The following XRRA1 variants were observed in gnomAD, a reference collection of about 807,000 sequenced individuals.
The protein encoded by XRRA1 is X-ray radiation resistance associated 1.
XRRA1 carries 69 observed loss-of-function variants against 80.2 expected under a neutral mutation model. The ratio of observed to expected loss-of-function variants is 0.86; its 90% CI spans 0.71 to 1.05. XRRA1 has a LOEUF of 1.05. Among genes scored for constraint, XRRA1 ranks in the 50% least tolerant of loss-of-function variants. The probability of loss-of-function intolerance (pLI) is 0.00; values close to 1 mark genes in which losing one functional copy is unlikely to be tolerated. For synonymous variants in XRRA1, 348 were observed against 389.9 expected (o/e 0.89, Z 1.27); for missense variants, 967 against 976.4 (o/e 0.99, Z 0.13).
chr11:74,890,150 A>C (rs1042806290), intron 10 of XRRA1, among the ~76,000 whole-genome samples: 5 of 152,252 alleles, frequency 3.3e-5, no homozygotes, highest in African/African-American at 1.2e-4. Context: ...CACAGTTGGA[A>C]GTAAAGCACT....
In XRRA1 at chr11:74,887,003, G is replaced by A. The variant is rs370105925; in HGVS notation, c.1003+19236C>T. 5.5e-4 allele frequency among the ~76,000 whole-genome samples: 84 copies of A among 152,278 alleles called. 1 individual carries two copies. The South Asian group carries it at 0.017, about 32-fold the overall frequency. ...TTCAATCAATGATGCTGAGATAACT[G>A]GCCAGCCATATGCAGAAGATTGAAA... On this transcript the variant is annotated intron_variant, in intron 10 of 18. Coordinates refer to ENST00000684022, the MANE Select transcript of XRRA1 (RefSeq NM_001378157.1).
At chr11:74,935,080 C>T (rs571557716) in intron 4 of XRRA1, among the ~76,000 whole-genome samples, 3 of 152,342 alleles carry the variant, frequency 2.0e-5, no homozygotes, top group South Asian at 4.1e-4. Context: ...ATTCCCCTAA[C>T]TCATGACTGT....
At chr11:74,912,097 G>C (rs546201815) in intron 8 of XRRA1, among the ~76,000 whole-genome samples, 2 of 152,314 alleles carry the variant, frequency 1.3e-5, no homozygotes, top group Admixed American at 1.3e-4. Flanking sequence ...GCCCAAATCT[G>C]TATCATCAGA....
At chr11:74,929,140 A>C (rs1942934913) in intron 6 of XRRA1, among the ~76,000 whole-genome samples, 1 of 152,160 alleles carries the variant, frequency 6.6e-6, no homozygotes, top group Non-Finnish European at 1.5e-5. Flanking sequence ...CAATGCAACA[A>C]AACTGAACTT....
intron 10 of XRRA1, among the ~76,000 whole-genome samples, chr11:74,898,178 AG>A (rs1271733161): frequency 2.6e-5 from 4 of 152,230 alleles, no homozygotes; most frequent in Non-Finnish European, 4.4e-5. Context: ...TTGTGCAATC[AG>A]TGTTAAGTTG....
intron 8 of XRRA1, among the ~76,000 whole-genome samples, chr11:74,911,789 G>A (rs944406057): frequency 6.6e-6 from 1 of 152,120 alleles, no homozygotes; most frequent in Non-Finnish European, 1.5e-5. Context: ...AACCCAGAGG[G>A]AGAAACTTAA....
At chr11:74,897,063 T>C (rs1228043905) in intron 10 of XRRA1, among the ~76,000 whole-genome samples, 9 of 152,136 alleles carry the variant, frequency 5.9e-5, no homozygotes, top group Non-Finnish European at 1.3e-4. Flanking sequence ...CAGAGATGTA[T>C]GACCTTTCAG....
chr11:74,927,237 C>G (rs1305274470), intron 7 of XRRA1, among the ~76,000 whole-genome samples, 154 bp downstream of exon 7: 1 of 149,270 alleles, frequency 6.7e-6, no homozygotes, highest in Non-Finnish European at 1.5e-5. Flanking sequence ...TTACAACCCC[C>G]ACCCCCACCC....
At chr11:74,923,677 C>A (rs1941489327) in intron 7 of XRRA1, among the ~76,000 whole-genome samples, 1 of 152,058 alleles carries the variant, frequency 6.6e-6, no homozygotes, top group African/African-American at 2.4e-5. Flanking sequence ...GCAAAGTTTC[C>A]AAGGTTCTCC....
chr11:74,864,613 T>G (rs1254050037), intron 10 of XRRA1, among the ~76,000 whole-genome samples: 1 of 152,222 alleles, frequency 6.6e-6, no homozygotes, highest in African/African-American at 2.4e-5. Flanking sequence ...ACAGCCATAT[T>G]TGGCCTTGAG....
At chr11:74,862,248 T>A (rs2042457928) in intron 11 of XRRA1, among the ~76,000 whole-genome samples, 1 of 152,056 alleles carries the variant, frequency 6.6e-6, no homozygotes, top group Non-Finnish European at 1.5e-5. Context: ...TGAGCCTTGG[T>A]GGAGCCAGTG....
rs765104814 is a variant in XRRA1 at position 74,924,766 on chromosome 11, G to A, written c.522+2625C>T. On this transcript the variant is annotated intron_variant, in intron 7 of 18. Transcript: ENST00000684022. ...GAGAATCGCTTGAACCCAGGAGGCG[G>A]AGGTTGCAATAAGCTGAGATTGTGC... Among the ~76,000 whole-genome samples, 93 of 152,228 alleles carry A rather than the reference G, an allele frequency of 6.1e-4. 1 individual carries two copies. The highest frequency in any genetic ancestry group is 1.2e-3 in the Admixed American group (19 of 15,288).
intron 10 of XRRA1, among the ~76,000 whole-genome samples, chr11:74,900,308 C>T (rs1032830744): frequency 1.2e-4 from 19 of 152,274 alleles, no homozygotes; most frequent in Non-Finnish European, 1.9e-4. Context: ...ATCGGCCAGG[C>T]GCAGTGGCTC....
intron 6 of XRRA1, among the ~76,000 whole-genome samples, chr11:74,929,656 ACCTTCTAGTT>A (rs1943060597): frequency 6.6e-6 from 1 of 152,118 alleles, no homozygotes; most frequent in African/African-American, 2.4e-5. Flanking sequence ...ATGCCTTCTT[ACCTTCTAGTT>A]CCTGAATCAC....
At chr11:74,863,127 T>C (rs2042663101) in intron 10 of XRRA1, 106 bp from the exon 11 acceptor site, 1 of 1,052,606 alleles carries the variant, frequency 9.5e-7, no homozygotes, top group Non-Finnish European at 1.4e-6. Context: ...GGGCACCTCC[T>C]AGAGGGAGTT....
intron 10 of XRRA1, among the ~76,000 whole-genome samples, chr11:74,896,647 T>C (rs1044956444): frequency 5.3e-5 from 8 of 152,192 alleles, no homozygotes; most frequent in African/African-American, 1.9e-4. Flanking sequence ...TGTGTTGGCT[T>C]CGGGTCTGAC....
At chr11:74,935,269 G>A (rs1944672251) in intron 4 of XRRA1, among the ~76,000 whole-genome samples, 1 of 152,144 alleles carries the variant, frequency 6.6e-6, no homozygotes, top group Admixed American at 6.5e-5. Context: ...GCCATCTCAG[G>A]ATCATGAAGG....
chr11:74,914,088 C>T (rs750036340), intron 8 of XRRA1, among the ~76,000 whole-genome samples: 4 of 152,084 alleles, frequency 2.6e-5, no homozygotes, highest in Non-Finnish European at 2.9e-5. Flanking sequence ...CAGGTTCAAG[C>T]GATTCTCCTG....
rs772279123 is a variant in XRRA1, at chr11:74,937,084, G to T, written c.95-16C>A. On this transcript the variant is annotated splice_polypyrimidine_tract_variant and intron_variant, in intron 3 of 18. Coordinates refer to ENST00000684022, the MANE Select transcript of XRRA1 (RefSeq NM_001378157.1). ...TGTCCTTGGCCTGTTGAGAAAATTA[G>T]AACAGTGAAAAGGGGAAAACTCCAA... The T allele has an allele frequency of 1.2e-6, 2 of 1,606,022 alleles. No individual in the cohort carries two copies. Among genetic ancestry groups the T allele is most frequent in the Admixed American group, 1.7e-5 (1 of 58,462 alleles).
Sources: allele counts gnomAD v4.1 joint callset (sites outside exome capture counted in the v4.1 genomes callset), GRCh38; gene constraint gnomAD v4.1.1; transcripts MANE v1.5; gene names NCBI Gene and HGNC (gene_info 2026-07-23, HGNC 2026-07-21).